Variants in ZNF143 observed in about 807,000 individuals in gnomAD.
ZNF143 encodes zinc finger protein 143.
In ZNF143, 49 loss-of-function variants were observed where a neutral mutation model predicts 74.1. That is an observed-to-expected ratio of 0.66 (90% CI 0.53 to 0.84). The LOEUF is 0.84. Among genes scored for constraint, ZNF143 ranks in the 40% least tolerant of loss-of-function variants. The pLI is 0.00. For synonymous variants in ZNF143, 304 were observed against 282.8 expected, an observed-to-expected ratio of 1.07 and a Z score of -0.75; for missense variants, 637 against 793.4, an observed-to-expected ratio of 0.80 and a Z score of 2.37.
intron 1 of ZNF143, 65 bp downstream of exon 1, chr11:9,461,141 C>T (rs1427520616): frequency 2.1e-6 from 2 of 963,252 alleles, no homozygotes; most frequent in African/African-American, 1.8e-5. Flanking sequence ...GCCCTCAGCG[C>T]GGCGGCGCGG....
intron 7 of ZNF143, among the ~76,000 whole-genome samples, chr11:9,484,377 TAAAG>T (rs775110802): frequency 2.0e-5 from 3 of 151,036 alleles, no homozygotes; most frequent in South Asian, 2.1e-4. Context: ...ATATTTTTGT[TAAAG>T]AAATATTTAA....
chr11:9,462,687 A>G (rs892789983), intron 1 of ZNF143, among the ~76,000 whole-genome samples: 1 of 152,076 alleles, frequency 6.6e-6, no homozygotes, highest in Non-Finnish European at 1.5e-5. Flanking sequence ...CAGTCTGGTC[A>G]ACGTGGTGAA....
At chr11:9,499,969 G>A (rs973369883) in intron 10 of ZNF143, among the ~76,000 whole-genome samples, 70 of 152,306 alleles carry the variant, frequency 4.6e-4, no homozygotes, top group Admixed American at 9.2e-4. Flanking sequence ...TTGAGACAGT[G>A]TCTCACTTCA....
At chr11:9,496,268 A>T in intron 8 of ZNF143, 35 bp from the exon 9 acceptor site, 2 of 1,602,138 alleles carry the variant, frequency 1.2e-6, no homozygotes, top group Non-Finnish European at 1.7e-6. Context: ...GGAATACGTA[A>T]AGGAAATAGA....
At chr11:9,518,354 T>C (rs1170816857) in intron 14 of ZNF143, among the ~76,000 whole-genome samples, 1 of 152,238 alleles carries the variant, frequency 6.6e-6, no homozygotes, top group African/African-American at 2.4e-5. Context: ...AATATTCATA[T>C]ACTGCTAGTG....
At chr11:9,494,562 C>G in intron 7 of ZNF143, 84 bp from the exon 8 acceptor site, 1 of 1,405,642 alleles carries the variant, frequency 7.1e-7, no homozygotes, top group Non-Finnish European at 9.7e-7. Flanking sequence ...CCGCCTACCT[C>G]TGCCTCCCCA....
At chr11:9,480,402 T>G (rs747031065) in intron 7 of ZNF143, among the ~76,000 whole-genome samples, 6 of 152,208 alleles carry the variant, frequency 3.9e-5, no homozygotes, top group Non-Finnish European at 8.8e-5. Flanking sequence ...ATAGTAGTTT[T>G]TTTTTCATTC....
At chr11:9,496,528 G>C (rs1393153265) in intron 9 of ZNF143, 150 bp downstream of exon 9, 1 of 659,024 alleles carries the variant, frequency 1.5e-6, no homozygotes, top group African/African-American at 1.8e-5. Flanking sequence ...CTTTCGTCCT[G>C]CTTGCTCCAG....
chr11:9,474,153 A>G (rs1350926736), intron 4 of ZNF143, 129 bp downstream of exon 4: 14 of 752,886 alleles, frequency 1.9e-5, no homozygotes, highest in South Asian at 1.2e-4. Flanking sequence ...AAGGGAGATT[A>G]TAGATGCCAC....
In ZNF143 at chr11:9,486,363, T is replaced by TATATATAATATATTATATATATAA. The variant is rs1491555379; in HGVS notation, c.645+6817_645+6818insATATATAATATATTATATATATAA. Reference sequence around the variant, plus strand: ...ATATTATATATATATTATATATATATTATATATAATATATTATATATATAA... The same window carrying TATATATAATATATTATATATATAA: ...ATATTATATATATATTATATATATATATATATAATATATTATATATATAATATATATAATATATTATATATATAA... On this transcript the variant is annotated intron_variant, in intron 7 of 15. Coordinates refer to ENST00000396602, the MANE Select transcript of ZNF143 (RefSeq NM_003442.6). 1.5e-4 allele frequency among the ~76,000 whole-genome samples: 6 copies of TATATATAATATATTATATATATAA among 41,252 alleles called. 1 individual carries two copies. The highest frequency in any genetic ancestry group is 2.2e-4 in the Non-Finnish European group (5 of 22,872). The allele number at this position is 41,252 out of a possible 152,430, so 27.1% of individuals were successfully genotyped here. A position where few individuals can be genotyped will look rare whatever the true frequency, so the allele number is the denominator to read the frequency against.
rs189191798 is a variant in ZNF143, at chr11:9,497,808, T to C, written c.967+8T>C. On this transcript the variant is annotated splice_region_variant and intron_variant, in intron 10 of 15. Coordinates refer to ENST00000396602, the MANE Select transcript of ZNF143 (RefSeq NM_003442.6). ...ACATCAGAACTCATACAGGTACTAG[T>C]GGAAACAGAGTGTCAAAATCTTTTT... 176 of 1,547,256 alleles carry C rather than the reference T, an allele frequency of 1.1e-4. No homozygotes were observed. In the African/African-American group the frequency reaches 2.3e-3, roughly 21 times the overall value.
At chr11:9,499,678 TG>T (rs546809017) in intron 10 of ZNF143, among the ~76,000 whole-genome samples, 67 of 152,302 alleles carry the variant, frequency 4.4e-4, no homozygotes, top group African/African-American at 1.4e-3. Context: ...GAAGAGCCAC[TG>T]CATTCCAGCC....
At position 9,477,131 on chromosome 11, in the gene ZNF143, C is replaced by CTTCT. The variant is rs1432720912; in HGVS notation, c.374-1256_374-1255insTTTC. 2.2e-5 allele frequency among the ~76,000 whole-genome samples: 3 copies of CTTCT among 136,144 alleles called. No individual in the cohort carries two copies. In the East Asian group the frequency reaches 6.4e-4, roughly 29 times the overall value. The allele number at this position is 136,144 out of a possible 152,430, so 89.3% of individuals were successfully genotyped here. ...TCTGCACCCCTTCCTTCCTTCCTTC[C>CTTCT]TTCCTTCCTTCCTTCCTTCCTTCCT... is the stretch of plus-strand genomic sequence containing the variant. On this transcript the variant is annotated intron_variant, in intron 5 of 15. Transcript: ENST00000396602.
intron 3 of ZNF143, chr11:9,473,648 C>A: frequency 1.6e-6 from 1 of 611,842 alleles, no homozygotes; most frequent in South Asian, 1.8e-5. Context: ...TTCTAAGTGA[C>A]TCTGAAAGGT....
chr11:9,506,400 A>C (rs1190185889), intron 11 of ZNF143, among the ~76,000 whole-genome samples: 1 of 152,252 alleles, frequency 6.6e-6, no homozygotes, highest in Non-Finnish European at 1.5e-5. Context: ...AACACATTTT[A>C]TGGGCAAATT....
rs1487235666 is a variant in ZNF143, at chr11:9,527,521, C to T, written c.1834-9C>T. ...TTGTTAGCGTTTGATGTGTGTGTTC[C>T]TGTTTCAGCTTGGAGAACAGCCATC... On this transcript the variant is annotated splice_polypyrimidine_tract_variant and intron_variant, in intron 15 of 15. Transcript: ENST00000396602. 4 of 1,613,798 alleles carry T rather than the reference C, an allele frequency of 2.5e-6. No individual in the cohort carries two copies. The highest frequency in any genetic ancestry group is 3.4e-6 in the Non-Finnish European group (4 of 1,179,798).
chr11:9,525,099 C>T (rs1849077510), intron 14 of ZNF143, 141 bp from the exon 15 acceptor site: 5 of 974,520 alleles, frequency 5.1e-6, no homozygotes, highest in Non-Finnish European at 7.4e-6. Context: ...AACCTCCTTT[C>T]AATATAGGCT....
chr11:9,496,225 A>G (rs1206536201), intron 8 of ZNF143, 78 bp from the exon 9 acceptor site: 3 of 1,286,456 alleles, frequency 2.3e-6, no homozygotes, highest in African/African-American at 1.5e-5. Flanking sequence ...CAGTGTGGGA[A>G]AAAGTAGTTC....
In ZNF143 at chr11:9,473,943, G is replaced by A. The variant is rs372568844; in HGVS notation, c.208G>A (p.Ala70Thr). The change falls in exon 4 of 16, where the codon GCA becomes ACA. Residue 70 changes from alanine (A) to threonine (T), a missense_variant and splice_region_variant. Transcript: ENST00000396602. ...TTGTCTTGAATCTTTTGTTATAGATGCAAAACTCATAGATGGCCAGGTCAT... is the reference window on the plus strand; with the variant it reads ...TTGTCTTGAATCTTTTGTTATAGATACAAAACTCATAGATGGCCAGGTCAT... ...TAYIQHNSKD[A>T]KLIDGQVIQL... The A allele has an allele frequency of 5.6e-6, 9 of 1,613,924 alleles. No individual in the cohort carries two copies. The highest frequency in any genetic ancestry group is 7.6e-6 in the Non-Finnish European group (9 of 1,179,940).
Sources: allele counts gnomAD v4.1 joint callset (sites outside exome capture counted in the v4.1 genomes callset), GRCh38; gene constraint gnomAD v4.1.1; transcripts MANE v1.5; gene names NCBI Gene and HGNC (gene_info 2026-07-23, HGNC 2026-07-21).